TMEM200C: variants seen among roughly 807,000 people sequenced by gnomAD.
The protein encoded by TMEM200C is transmembrane protein 200C.
For synonymous variants in TMEM200C, 462 were observed against 324.7 expected (o/e 1.42, Z -4.55); for missense variants, 966 against 699.9 (o/e 1.38, Z -4.29).
exon 3 of TMEM200C, chr18:5,883,143 T>G (rs2095162953): frequency 6.6e-6 from 1 of 152,144 alleles, no homozygotes; most frequent in African/African-American, 2.4e-5. Context: ...TTATCTATAA[T>G]GCAAAGTGGT....
At chr18:5,884,510 A>G (rs2095163974) in exon 3 of TMEM200C, 1 of 152,196 alleles carries the variant, frequency 6.6e-6, no homozygotes, top group Non-Finnish European at 1.5e-5. Context: ...TTTCACAGAC[A>G]CAAAAAGGAT....
chr18:5,890,573 G>T, exon 3 of TMEM200C: 1 of 1,350,202 alleles, frequency 7.4e-7, no homozygotes. Context: ...CCAGAGGGCT[G>T]GAGTCCGGGT....
At chr18:5,884,421 A>C (rs1316408479) in exon 3 of TMEM200C, 1 of 152,094 alleles carries the variant, frequency 6.6e-6, no homozygotes, top group Non-Finnish European at 1.5e-5. Context: ...TGTAATATTC[A>C]CATTATAGTA....
At chr18:5,886,537 C>T (rs928429991) in exon 3 of TMEM200C, 3 of 152,098 alleles carry the variant, frequency 2.0e-5, no homozygotes, top group African/African-American at 4.8e-5. Flanking sequence ...ATTTTAAAGA[C>T]TTTTTAGTAC....
At position 5,888,781 on chromosome 18, in the gene TMEM200C, C is replaced by T. The variant is rs574779298; in HGVS notation, c.*1417G>A. 6 of 152,300 alleles carry T rather than the reference C, an allele frequency of 3.9e-5. No homozygotes were observed. In the East Asian group the frequency reaches 9.6e-4, roughly 24 times the overall value. 9.4% of individuals were successfully genotyped at this position (152,300 alleles called of 1,614,324 possible). ...ATATAAACCCTCCTCTGACCCTGAC[C>T]CTGTTCTATTCCTCTCATAGCTCCA... is the stretch of plus-strand genomic sequence containing the variant. On this transcript the variant is annotated 3_prime_UTR_variant, in exon 3 of 3. Transcript: ENST00000581347.
chr18:5,887,012 A>G (rs1459899452), exon 3 of TMEM200C: 2 of 152,192 alleles, frequency 1.3e-5, no homozygotes, highest in Admixed American at 1.3e-4. Context: ...TCTTTACTCC[A>G]GTCCTGTAAG....
In TMEM200C at chr18:5,885,261, C is replaced by G. The variant is rs1169514375; in HGVS notation, c.*4937G>C. ...TCCCTTGTTATTGACAGTCAGCCTT[C>G]GTGGGACTTGGTCACAATGTAGGAT... is the stretch of plus-strand genomic sequence containing the variant. On this transcript the variant is annotated 3_prime_UTR_variant, in exon 3 of 3. Transcript: ENST00000581347. 6 of 151,942 alleles carry G rather than the reference C, an allele frequency of 3.9e-5. No homozygotes were observed. The East Asian group carries it at 9.6e-4, about 24-fold the overall frequency. 9.4% of individuals were successfully genotyped at this position (151,942 alleles called of 1,614,324 possible).
Position 5,891,531 on chromosome 18 carries a change from A to G in TMEM200C, c.533T>C (p.Phe178Ser). ...GACCGCGTTTGCGCAGATGAAGAGG[A>G]AGATGCCGATGCCCATGATGAGGGG... The change falls in exon 3 of 3, where the codon TTC becomes TCC. Residue 178 changes from phenylalanine (F) to serine (S), a missense_variant. Physicochemically the swap from Phe to Ser is radical, Grantham distance 155. Coordinates refer to ENST00000581347, the Ensembl canonical transcript of TMEM200C. This position sits in a 1 kb window ranked among gnomAD's most constrained non-coding sequence, Gnocchi z 4.7. 1 of 1,613,108 alleles carries G rather than the reference A, an allele frequency of 6.2e-7. No individual in the cohort carries two copies. Among genetic ancestry groups the G allele is most frequent in the Non-Finnish European group, 8.5e-7 (1 of 1,179,616 alleles).
chr18:5,894,150 C>T (rs2095173747), intron 2 of TMEM200C, among the ~76,000 whole-genome samples: 1 of 152,076 alleles, frequency 6.6e-6, no homozygotes, highest in Non-Finnish European at 1.5e-5. Context: ...TTTTGTTGGG[C>T]ATTGATCAGG....
exon 3 of TMEM200C, chr18:5,890,354 C>T (rs759460907): frequency 3.0e-5 from 48 of 1,597,126 alleles, no homozygotes; most frequent in Admixed American, 3.4e-5. Context: ...AGCTCTGCTC[C>T]GCACCCAGAA....
At chr18:5,893,915 A>C (rs1283667523) in intron 2 of TMEM200C, among the ~76,000 whole-genome samples, 1 of 125,672 alleles carries the variant, frequency 8.0e-6, no homozygotes, top group African/African-American at 4.1e-5. Flanking sequence ...TGAAACAAAC[A>C]AAAAAAAGAG....
At chr18:5,894,165 C>T (rs915758367) in intron 2 of TMEM200C, among the ~76,000 whole-genome samples, 2 of 152,120 alleles carry the variant, frequency 1.3e-5, no homozygotes, top group Non-Finnish European at 2.9e-5. Flanking sequence ...ATCAGGTGCG[C>T]CGGGAGGCTG....
chr18:5,888,317 C>A (rs2095166963), exon 3 of TMEM200C: 1 of 152,216 alleles, frequency 6.6e-6, no homozygotes, highest in Admixed American at 6.5e-5. Context: ...ATATATTAAT[C>A]TACAGCCTTA....
Position 5,891,385 on chromosome 18 carries a change from CCGCGGCGGCGGCCG to C in TMEM200C, c.665_678del (p.Ala222GlyfsTer122), listed in dbSNP as rs2095170874. On this transcript the variant is annotated frameshift_variant, in exon 3 of 3. Transcript: ENST00000581347. LOFTEE classifies it low-confidence loss of function (END_TRUNC). This position sits in a 1 kb window ranked among gnomAD's most constrained non-coding sequence, Gnocchi z 4.7. ...GACGACGACGAAGAGGCGGCGGCGG[CCGCGGCGGCGGCCG>C]CGGCGGCCGCCAGGTCTTTGGCGCG... 1.5e-6 allele frequency: 2 copies of C among 1,320,968 alleles called. No individual in the cohort carries two copies. Among genetic ancestry groups the C allele is most frequent in the Non-Finnish European group, 1.9e-6 (2 of 1,040,388 alleles). 81.8% of individuals were successfully genotyped at this position (1,320,968 alleles called of 1,614,324 possible). A position where few individuals can be genotyped will look rare whatever the true frequency, so the allele number is the denominator to read the frequency against.
At chr18:5,886,124 TTTCTTAAGTTCTC>T (rs1175320721) in exon 3 of TMEM200C, 1 of 152,088 alleles carries the variant, frequency 6.6e-6, no homozygotes, top group Non-Finnish European at 1.5e-5. Flanking sequence ...TCAGAGGGTT[TTTCTTAAGTTCTC>T]TAGCTCAAAA....
intron 2 of TMEM200C, 58 bp from the exon 2 acceptor site, chr18:5,892,215 G>C (rs1466861512): frequency 4.0e-6 from 3 of 743,116 alleles, no homozygotes; most frequent in Admixed American, 2.8e-5. Flanking sequence ...GACATCTCAC[G>C]CTGCAGCTGC....
At chr18:5,882,595 A>C (rs1440236360) in exon 3 of TMEM200C, 5 of 152,174 alleles carry the variant, frequency 3.3e-5, no homozygotes, top group African/African-American at 9.6e-5. Context: ...TGTTTCCAGA[A>C]GATATCAGTC....
At position 5,891,308 on chromosome 18, in the gene TMEM200C, G is replaced by T; in HGVS notation, c.756C>A (p.Ser252Arg). ...GCTCCAGGCCCCGCGACTGCACGTA[G>T]CTGAGGAAGCCGTTGAGCGGTATGG... is the stretch of plus-strand genomic sequence containing the variant. Residue 252 changes from serine to arginine, a missense_variant, in exon 3 of 3, where the codon AGC (serine) becomes AGA (arginine). Transcript: ENST00000581347. The surrounding 1 kb of genome is among the most constrained non-coding windows in gnomAD (Gnocchi z 4.7). The T allele has an allele frequency of 1.4e-6, 2 of 1,410,926 alleles. No homozygotes were observed. Among genetic ancestry groups the T allele is most frequent in the South Asian group, 1.5e-5 (1 of 66,052 alleles). The allele number at this position is 1,410,926 out of a possible 1,614,324, so 87.4% of individuals were successfully genotyped here.
exon 3 of TMEM200C, chr18:5,889,504 TG>T (rs2095167939): frequency 6.6e-6 from 1 of 152,170 alleles, no homozygotes; most frequent in Non-Finnish European, 1.5e-5. Flanking sequence ...CAATAAAGCA[TG>T]GTGTACTTGA....
Sources: gnomAD v4.1 joint callset for allele counts (sites outside exome capture counted in the v4.1 genomes callset) on GRCh38, gnomAD v4.1.1 for gene constraint, Gnocchi (gnomAD v3.1) non-coding constraint, MANE v1.5 for transcripts, NCBI Gene and HGNC (gene_info 2026-07-23, HGNC 2026-07-21) for gene names.